The following MFF variants were observed in gnomAD, a reference collection of about 807,000 sequenced individuals.
MFF encodes mitochondrial fission factor, also known as chromosome 2 open reading frame 33.
MFF carries 12 observed loss-of-function variants against 36.9 expected under a neutral mutation model. That is an observed-to-expected ratio of 0.33 (90% CI 0.21 to 0.53). The LOEUF (loss-of-function observed/expected upper bound fraction) is 0.53. Ranked by LOEUF, MFF falls within the 20% of genes least tolerant of loss-of-function variation. The pLI is 0.95. For missense variants in MFF, 348 were observed against 366.6 expected, an observed-to-expected ratio of 0.95 and a Z score of 0.42; for synonymous variants, 99 against 126.2, an observed-to-expected ratio of 0.78 and a Z score of 1.44.
At chr2:227,332,868 T>C (rs1246950262) in intron 4 of MFF, among the ~76,000 whole-genome samples, 2 of 152,228 alleles carry the variant, frequency 1.3e-5, no homozygotes, top group Non-Finnish European at 2.9e-5. Flanking sequence ...ACTTGTTAAA[T>C]AATAAGAAAA....
intron 7 of MFF, among the ~76,000 whole-genome samples, chr2:227,354,336 T>C (rs1228810462): frequency 6.6e-6 from 1 of 152,240 alleles, no homozygotes; most frequent in Admixed American, 6.5e-5. Context: ...TGTGGGTATG[T>C]ACTTTTTGTA....
chr2:227,338,531 T>TTATATATATATATAA, intron 4 of MFF, among the ~76,000 whole-genome samples: 5 of 152,002 alleles, frequency 3.3e-5, no homozygotes, highest in Admixed American at 2.6e-4. Flanking sequence ...AAGTTTAATT[T>TTATATATATATATAA]TTTAAAAACC....
At chr2:227,335,964 C>T (rs897601079) in intron 4 of MFF, among the ~76,000 whole-genome samples, 1 of 152,174 alleles carries the variant, frequency 6.6e-6, no homozygotes, top group African/African-American at 2.4e-5. Flanking sequence ...GCATGAAATA[C>T]AAAATGCCCA....
intron 3 of MFF, among the ~76,000 whole-genome samples, chr2:227,332,032 C>T (rs546721063): frequency 8.6e-6 from 1 of 116,440 alleles, no homozygotes; most frequent in Admixed American, 1.2e-4. Flanking sequence ...AGTGCAGTGG[C>T]GGGATCTCGG....
At chr2:227,336,641 A>G (rs2075028244) in intron 4 of MFF, among the ~76,000 whole-genome samples, 1 of 152,234 alleles carries the variant, frequency 6.6e-6, no homozygotes, top group Non-Finnish European at 1.5e-5. Flanking sequence ...TACAGCAGTT[A>G]TATCCAAAGT....
intron 5 of MFF, chr2:227,342,912 T>C (rs2075481299): frequency 1.0e-5 from 10 of 955,980 alleles, no homozygotes; most frequent in East Asian, 2.6e-5. Flanking sequence ...AATTGACGTA[T>C]GCTATCCTAA....
chr2:227,344,387 A>C (rs2075590709), intron 5 of MFF, among the ~76,000 whole-genome samples: 1 of 152,228 alleles, frequency 6.6e-6, no homozygotes, highest in Non-Finnish European at 1.5e-5. Context: ...CTACAGAAAC[A>C]GGAAGTCATT....
chr2:227,345,672 A>T (rs1262267375), intron 5 of MFF, among the ~76,000 whole-genome samples: 2 of 152,040 alleles, frequency 1.3e-5, no homozygotes, highest in Admixed American at 6.6e-5. Flanking sequence ...CACAAATAGG[A>T]TGTTTTTTTT....
intron 5 of MFF, 33 bp downstream of exon 5, chr2:227,340,413 G>C (rs754074686): frequency 2.7e-6 from 4 of 1,457,788 alleles, no homozygotes; most frequent in Non-Finnish European, 3.7e-6. Context: ...TATCTCGTTT[G>C]TAAGTTTTCT....
intron 5 of MFF, chr2:227,342,796 A>G: frequency 6.2e-7 from 1 of 1,613,728 alleles, no homozygotes; most frequent in South Asian, 1.1e-5. Flanking sequence ...GGTTCCAGGC[A>G]CCGATTTCTG....
intron 7 of MFF, 111 bp from the exon 8 acceptor site, chr2:227,355,566 G>A (rs1575006794): frequency 1.8e-6 from 1 of 558,914 alleles, no homozygotes; most frequent in East Asian, 2.9e-5. Context: ...ATATTATTAA[G>A]TACCAATTTT....
At chr2:227,329,735 A>T (rs2074427901) in intron 2 of MFF, 2 of 1,543,328 alleles carry the variant, frequency 1.3e-6, no homozygotes, top group East Asian at 4.5e-5. Flanking sequence ...ACCTGTATTT[A>T]CTGTATTTAA....
At chr2:227,344,559 C>T (rs1190838750) in intron 5 of MFF, among the ~76,000 whole-genome samples, 1 of 152,020 alleles carries the variant, frequency 6.6e-6, no homozygotes, top group African/African-American at 2.4e-5. Context: ...AACAAGACTG[C>T]TTAAAGTTTT....
chr2:227,338,971 G>A (rs2075227483), intron 4 of MFF, among the ~76,000 whole-genome samples: 1 of 151,988 alleles, frequency 6.6e-6, no homozygotes, highest in African/African-American at 2.4e-5. Context: ...GGGAGGCCAA[G>A]GTGGGCAGAA....
At chr2:227,341,562 G>T (rs769179031) in intron 5 of MFF, among the ~76,000 whole-genome samples, 28 of 152,042 alleles carry the variant, frequency 1.8e-4, no homozygotes, top group Non-Finnish European at 2.6e-4. Context: ...AAAATTTTTT[G>T]ATTGTGTTTT....
At chr2:227,338,780 A>G (rs527864459) in intron 4 of MFF, among the ~76,000 whole-genome samples, 1 of 152,094 alleles carries the variant, frequency 6.6e-6, no homozygotes, top group East Asian at 1.9e-4. Flanking sequence ...CAGTGAGTCA[A>G]GCCGAGATTG....
intron 7 of MFF, 28 bp from the exon 8 acceptor site, chr2:227,355,649 C>G: frequency 7.3e-7 from 1 of 1,376,000 alleles, no homozygotes. Context: ...CTTTACTATT[C>G]ATTTGTATTT....
intron 1 of MFF, among the ~76,000 whole-genome samples, chr2:227,325,979 A>C (rs936109369): frequency 6.6e-6 from 1 of 152,162 alleles, no homozygotes; most frequent in African/African-American, 2.4e-5. Context: ...GTCTGTGAGC[A>C]TCCCTGCTCG....
intron 1 of MFF, among the ~76,000 whole-genome samples, chr2:227,327,678 T>C (rs1427962927): frequency 6.6e-6 from 1 of 152,188 alleles, no homozygotes; most frequent in Non-Finnish European, 1.5e-5. Flanking sequence ...GTGAGACCTA[T>C]GAGATGTACT....
Sources: gnomAD v4.1 joint callset for allele counts (sites outside exome capture counted in the v4.1 genomes callset) on GRCh38, gnomAD v4.1.1 for gene constraint, MANE v1.5 for transcripts, NCBI Gene and HGNC (gene_info 2026-07-23, HGNC 2026-07-21) for gene names.